The following FSTL5 variants were observed in gnomAD, a reference collection of about 807,000 sequenced individuals.
FSTL5 encodes follistatin like 5, also known as follistatin-related protein 5.
In FSTL5, 62 loss-of-function variants were observed where a neutral mutation model predicts 89.1. The ratio of observed to expected loss-of-function variants is 0.70; its 90% CI spans 0.57 to 0.86. The LOEUF is 0.86. Among genes scored for constraint, FSTL5 ranks in the 40% least tolerant of loss-of-function variants. The probability of loss-of-function intolerance (pLI) is 0.00; values close to 1 mark genes in which losing one functional copy is unlikely to be tolerated. For missense variants in FSTL5, 1,057 were observed against 1,001.6 expected, an observed-to-expected ratio of 1.06 and a Z score of -0.75; for synonymous variants, 383 against 346.2, an observed-to-expected ratio of 1.11 and a Z score of -1.18.
chr4:161,424,854 A>G (rs1247990974), intron 15 of FSTL5, among the ~76,000 whole-genome samples: 1 of 152,248 alleles, frequency 6.6e-6, no homozygotes, highest in Non-Finnish European at 1.5e-5. Context: ...GTTGTTTTGA[A>G]ATCAGAGTCA....
chr4:161,410,979 C>A (rs560480756), intron 15 of FSTL5, among the ~76,000 whole-genome samples: 1 of 148,884 alleles, frequency 6.7e-6, no homozygotes, highest in African/African-American at 2.5e-5. Context: ...ATTGATAGAC[C>A]TTTAGCTATC....
chr4:161,595,600 A>G (rs752582576), intron 7 of FSTL5, among the ~76,000 whole-genome samples: 2 of 152,074 alleles, frequency 1.3e-5, no homozygotes, highest in Non-Finnish European at 2.9e-5. Flanking sequence ...TTTTCTGGCA[A>G]CTACCTATTG....
At chr4:162,157,552 G>A (rs973896085) in intron 1 of FSTL5, among the ~76,000 whole-genome samples, 2 of 151,906 alleles carry the variant, frequency 1.3e-5, no homozygotes, top group Non-Finnish European at 2.9e-5. Flanking sequence ...TGAGTTACAC[G>A]AATGGTATAC....
chr4:162,024,858 T>C (rs543040001), intron 3 of FSTL5, among the ~76,000 whole-genome samples: 9 of 152,158 alleles, frequency 5.9e-5, no homozygotes, highest in East Asian at 5.8e-4. Context: ...GGTCTCACTA[T>C]GCTTTTCAGG....
chr4:161,688,503 G>A (rs1737818044), intron 6 of FSTL5, among the ~76,000 whole-genome samples: 1 of 152,166 alleles, frequency 6.6e-6, no homozygotes, highest in Non-Finnish European at 1.5e-5. Flanking sequence ...GTGGGTCAGA[G>A]CCAGTCACAG....
intron 2 of FSTL5, among the ~76,000 whole-genome samples, chr4:162,062,662 C>T (rs1022581730): frequency 1.3e-5 from 2 of 150,730 alleles, no homozygotes; most frequent in African/African-American, 4.9e-5. Context: ...TTTTAAATAT[C>T]TTTCTCATAT....
At chr4:161,620,528 C>A (rs1420003257) in intron 7 of FSTL5, among the ~76,000 whole-genome samples, 2 of 152,030 alleles carry the variant, frequency 1.3e-5, no homozygotes, top group South Asian at 2.1e-4. Flanking sequence ...CGGTGGCAGG[C>A]GCCTGTAATC....
intron 3 of FSTL5, among the ~76,000 whole-genome samples, chr4:161,936,555 A>C (rs1734438454): frequency 6.6e-6 from 1 of 152,160 alleles, no homozygotes; most frequent in African/African-American, 2.4e-5. Context: ...TAAAGCTGCA[A>C]ACCTTATTTA....
intron 3 of FSTL5, among the ~76,000 whole-genome samples, chr4:162,028,852 C>A (rs1344070298): frequency 1.3e-5 from 2 of 152,118 alleles, no homozygotes; most frequent in African/African-American, 4.8e-5. Context: ...CCATTTCTAT[C>A]TATTCACCAT....
intron 3 of FSTL5, among the ~76,000 whole-genome samples, chr4:161,977,612 CAAAAA>C (rs796909244): frequency 0.015 from 1,450 of 95,070 alleles, 75 homozygotes; most frequent in African/African-American, 0.048. Flanking sequence ...GACTCCGTGT[CAAAAA>C]AAAAAAAAAA....
chr4:162,096,185 C>T (rs1389997685), intron 2 of FSTL5, among the ~76,000 whole-genome samples: 2 of 151,792 alleles, frequency 1.3e-5, no homozygotes, highest in African/African-American at 2.4e-5. Context: ...GAATCATCCT[C>T]AATTTTTAAA....
At chr4:162,078,474 G>C (rs906922917) in intron 2 of FSTL5, among the ~76,000 whole-genome samples, 1 of 151,816 alleles carries the variant, frequency 6.6e-6, no homozygotes, top group Non-Finnish European at 1.5e-5. Flanking sequence ...AGATGAGATA[G>C]ATATTATAAA....
At chr4:161,975,804 A>AAAAT (rs1735623094) in intron 3 of FSTL5, among the ~76,000 whole-genome samples, 5 of 137,036 alleles carry the variant, frequency 3.6e-5, no homozygotes, top group African/African-American at 1.1e-4. Flanking sequence ...TAAAATAAAA[A>AAAAT]ATAAATAAAA....
intron 3 of FSTL5, among the ~76,000 whole-genome samples, chr4:161,942,756 T>A (rs1734622731): frequency 6.6e-6 from 1 of 152,162 alleles, no homozygotes; most frequent in Non-Finnish European, 1.5e-5. Context: ...TTGATCTCAA[T>A]GTTTTTACCT....
intron 6 of FSTL5, among the ~76,000 whole-genome samples, chr4:161,698,725 C>G (rs1393032169): frequency 2.0e-5 from 3 of 152,120 alleles, no homozygotes; most frequent in Admixed American, 2.0e-4. Context: ...GTCAGGAATT[C>G]AAGACCAGCG....
At chr4:161,563,277 T>C (rs1346100264) in intron 8 of FSTL5, among the ~76,000 whole-genome samples, 1 of 152,016 alleles carries the variant, frequency 6.6e-6, no homozygotes, top group African/African-American at 2.4e-5. Flanking sequence ...AAATATTACT[T>C]TGAGATCTTA....
intron 7 of FSTL5, among the ~76,000 whole-genome samples, chr4:161,603,796 T>C (rs1050485474): frequency 1.3e-5 from 2 of 152,018 alleles, no homozygotes; most frequent in Non-Finnish European, 2.9e-5. Flanking sequence ...TCAACGTACC[T>C]GAAAAATATT....
At chr4:161,581,783 T>C (rs1299997293) in intron 8 of FSTL5, among the ~76,000 whole-genome samples, 1 of 152,242 alleles carries the variant, frequency 6.6e-6, no homozygotes, top group African/African-American at 2.4e-5. Flanking sequence ...CACAATATTA[T>C]GTATGAGGGC....
chr4:161,599,635 C>A (rs1734154954), intron 7 of FSTL5, among the ~76,000 whole-genome samples: 1 of 150,612 alleles, frequency 6.6e-6, no homozygotes, highest in Non-Finnish European at 1.5e-5. Flanking sequence ...GTCAGATTTG[C>A]CATGAAGCTA....
Sources: allele counts gnomAD v4.1 joint callset (sites outside exome capture counted in the v4.1 genomes callset), GRCh38; gene constraint gnomAD v4.1.1; transcripts MANE v1.5; gene names NCBI Gene and HGNC (gene_info 2026-07-23, HGNC 2026-07-21).